The following FBXW10B variants were observed in gnomAD, a reference collection of about 807,000 sequenced individuals.
FBXW10B encodes the protein F-box and WD repeat domain containing 10B.
chr17:15,611,854 C>A, the FBXW10B span, among the ~76,000 whole-genome samples: 21 of 152,302 alleles, frequency 1.4e-4, no homozygotes, highest in South Asian at 3.7e-3. Context: ...TCCGGTCACT[C>A]TTCATTATTG....
At chr17:15,588,865 G>A in the FBXW10B span, 1 of 1,614,062 alleles carries the variant, frequency 6.2e-7, no homozygotes. Flanking sequence ...GTTGCTAGCT[G>A]TGTCCTTTGC....
the FBXW10B span, among the ~76,000 whole-genome samples, chr17:15,591,780 T>C: frequency 6.6e-6 from 1 of 152,172 alleles, no homozygotes; most frequent in Non-Finnish European, 1.5e-5. Flanking sequence ...AGCTCTCTAA[T>C]GGGGAGGCCT....
chr17:15,569,455 C>CTTT, the FBXW10B span, among the ~76,000 whole-genome samples: 536 of 58,976 alleles, frequency 9.1e-3, 3 homozygotes, highest in Middle Eastern at 0.027. Context: ...TTTTCTTTTT[C>CTTT]TTTTTTTTTT....
chr17:15,592,011 C>T, the FBXW10B span, among the ~76,000 whole-genome samples: 1 of 152,164 alleles, frequency 6.6e-6, no homozygotes, highest in African/African-American at 2.4e-5. Flanking sequence ...CTCCCTAACC[C>T]ACCAGTTTTA....
At chr17:15,585,347 A>G in the FBXW10B span, among the ~76,000 whole-genome samples, 1 of 152,230 alleles carries the variant, frequency 6.6e-6, no homozygotes, top group South Asian at 2.1e-4. Context: ...AATTTTTTAA[A>G]AAAACCTATT....
the FBXW10B span, among the ~76,000 whole-genome samples, chr17:15,597,735 T>C: frequency 0.19 from 28,689 of 152,142 alleles, 3,037 homozygotes; most frequent in African/African-American, 0.27. Flanking sequence ...AAAAGCACCT[T>C]CTTCCTCAGG....
the FBXW10B span, among the ~76,000 whole-genome samples, chr17:15,612,295 C>T: frequency 6.6e-6 from 1 of 151,780 alleles, no homozygotes; most frequent in Non-Finnish European, 1.5e-5. Flanking sequence ...ATCACAAGGT[C>T]AGGAGATCAA....
chr17:15,611,138 C>G, the FBXW10B span, among the ~76,000 whole-genome samples: 1 of 151,848 alleles, frequency 6.6e-6, no homozygotes, highest in Admixed American at 6.6e-5. Flanking sequence ...ATTCTCCTGC[C>G]TCAGCCTCCC....
At chr17:15,583,475 C>T in the FBXW10B span, among the ~76,000 whole-genome samples, 1 of 148,612 alleles carries the variant, frequency 6.7e-6, no homozygotes, top group Non-Finnish European at 1.5e-5. Flanking sequence ...CATCAGTGCC[C>T]CCAGGACAAG....
the FBXW10B span, among the ~76,000 whole-genome samples, chr17:15,597,877 C>T: frequency 6.6e-6 from 1 of 152,164 alleles, no homozygotes; most frequent in Non-Finnish European, 1.5e-5. Context: ...TATTATTCCC[C>T]ACTACACAGA....
chr17:15,605,139 A>C, the FBXW10B span: 7 of 1,547,066 alleles, frequency 4.5e-6, no homozygotes, highest in South Asian at 8.7e-5. Flanking sequence ...TTAACTATAA[A>C]AAGAAGAAGC....
chr17:15,588,179 G>A, the FBXW10B span, among the ~76,000 whole-genome samples: 4 of 152,182 alleles, frequency 2.6e-5, no homozygotes, highest in African/African-American at 4.8e-5. Context: ...TGAAAATCCC[G>A]TGTCCATAAG....
At chr17:15,604,431 G>C in the FBXW10B span, among the ~76,000 whole-genome samples, 1 of 152,200 alleles carries the variant, frequency 6.6e-6, no homozygotes, top group Non-Finnish European at 1.5e-5. Context: ...AGCAAGAAGA[G>C]AAGGGCACAG....
the FBXW10B span, chr17:15,571,774 G>A: frequency 6.6e-6 from 1 of 152,314 alleles, no homozygotes; most frequent in African/African-American, 2.4e-5. Flanking sequence ...AATTACGGCT[G>A]AAATACTACT....
the FBXW10B span, among the ~76,000 whole-genome samples, chr17:15,601,883 C>T: frequency 1.3e-4 from 20 of 152,174 alleles, no homozygotes; most frequent in African/African-American, 4.3e-4. Flanking sequence ...GAGGCCGAGG[C>T]GGGCAAATCA....
chr17:15,590,085 A>C, the FBXW10B span, among the ~76,000 whole-genome samples: 163 of 151,018 alleles, frequency 1.1e-3, no homozygotes, highest in African/African-American at 3.9e-3. Flanking sequence ...CGCTGCCTGG[A>C]TGGGGAGCCC....
At chr17:15,568,865 T>C in the FBXW10B span, 1 of 1,231,596 alleles carries the variant, frequency 8.1e-7, no homozygotes, top group Non-Finnish European at 1.0e-6. Flanking sequence ...ACCCCCTGAT[T>C]TACCCTGGAA....
At chr17:15,584,642 A>G in the FBXW10B span, among the ~76,000 whole-genome samples, 149 of 152,342 alleles carry the variant, frequency 9.8e-4, no homozygotes, top group Non-Finnish European at 1.8e-3. Flanking sequence ...TCCTCGTGCC[A>G]GAAGGGGAAG....
chr17:15,608,244 T>C, the FBXW10B span, among the ~76,000 whole-genome samples: 1 of 143,876 alleles, frequency 7.0e-6, no homozygotes, highest in Non-Finnish European at 1.5e-5. Flanking sequence ...CACTGCAACC[T>C]CCGCCCTCCT....
Sources: allele counts gnomAD v4.1 joint callset (sites outside exome capture counted in the v4.1 genomes callset), GRCh38; gene constraint gnomAD v4.1.1; transcripts MANE v1.5; gene names NCBI Gene and HGNC (gene_info 2026-07-23, HGNC 2026-07-21).